ARNT2: variants seen among roughly 807,000 people sequenced by gnomAD.
ARNT2 encodes the protein ARNT protein 2.
In ARNT2, 36 loss-of-function variants were observed where a neutral mutation model predicts 91.7. The observed-to-expected ratio is 0.39, with a 90% confidence interval of 0.30 to 0.52. The LOEUF is 0.52. Ranked by LOEUF, ARNT2 falls within the 20% of genes least tolerant of loss-of-function variation. The probability of loss-of-function intolerance (pLI) is 0.72; values close to 1 mark genes in which losing one functional copy is unlikely to be tolerated. For synonymous variants in ARNT2, 365 were observed against 347.1 expected (o/e 1.05, Z -0.57); for missense variants, 775 against 939.3 (o/e 0.83, Z 2.29).
chr15:80,524,722 A>G (rs901095146), intron 8 of ARNT2, among the ~76,000 whole-genome samples: 1 of 152,046 alleles, frequency 6.6e-6, no homozygotes, highest in Non-Finnish European at 1.5e-5. Context: ...TAAAAATACA[A>G]AAATTAGCTG....
chr15:80,552,669 G>A lies in ARNT2; in HGVS notation c.984G>A (p.Met328Ile). The change falls in exon 10 of 19, where the codon ATG (methionine) becomes ATA (isoleucine). Residue 328 changes from methionine to isoleucine, a missense_variant. Physicochemically the swap from Met to Ile is conservative, Grantham distance 10 (BLOSUM62 1). Coordinates refer to ENST00000303329, the MANE Select transcript of ARNT2 (RefSeq NM_014862.4). ...QVTSSPVCMD[M>I]NGMSVPTEFL... ...CCAGCTCTCCTGTATGCATGGACATGAATGGGATGTCGGTGCCCACAGAGT... is the reference window on the plus strand; with the variant it reads ...CCAGCTCTCCTGTATGCATGGACATAAATGGGATGTCGGTGCCCACAGAGT... The A allele has an allele frequency of 1.2e-6, 2 of 1,614,120 alleles. No homozygotes were observed. Among genetic ancestry groups the A allele is most frequent in the Non-Finnish European group, 1.7e-6 (2 of 1,179,992 alleles).
At chr15:80,570,672 C>T (rs892495827) in intron 12 of ARNT2, among the ~76,000 whole-genome samples, 3 of 152,132 alleles carry the variant, frequency 2.0e-5, no homozygotes, top group Admixed American at 6.5e-5. Context: ...GCTCCCACAC[C>T]GACATTAGGA....
intron 1 of ARNT2, among the ~76,000 whole-genome samples, chr15:80,419,095 A>G (rs1394862422): frequency 2.0e-5 from 3 of 152,290 alleles, no homozygotes; most frequent in Middle Eastern, 3.4e-3. Flanking sequence ...TCTGTCTGCC[A>G]CTAGATGGCG....
At chr15:80,537,652 G>C (rs1897847397) in intron 8 of ARNT2, among the ~76,000 whole-genome samples, 1 of 152,114 alleles carries the variant, frequency 6.6e-6, no homozygotes, top group Non-Finnish European at 1.5e-5. Context: ...TGCCTGACCT[G>C]GTAGAGAAAA....
intron 1 of ARNT2, among the ~76,000 whole-genome samples, chr15:80,447,298 T>C (rs1010940305): frequency 3.9e-5 from 6 of 152,224 alleles, no homozygotes; most frequent in African/African-American, 1.2e-4. Flanking sequence ...CACAGACTGC[T>C]GAGCTCTCCT....
chr15:80,520,556 C>T (rs1275315313), intron 8 of ARNT2, among the ~76,000 whole-genome samples: 1 of 72,010 alleles, frequency 1.4e-5, no homozygotes, highest in Non-Finnish European at 3.0e-5. Flanking sequence ...GTGTTCTTAC[C>T]ACAAAAAAAA....
At chr15:80,430,088 C>T (rs1039256344) in intron 1 of ARNT2, among the ~76,000 whole-genome samples, 3 of 152,164 alleles carry the variant, frequency 2.0e-5, no homozygotes, top group African/African-American at 7.2e-5. Context: ...AGAAGGCTTC[C>T]CTAGGTCACT....
intron 1 of ARNT2, chr15:80,434,061 A>C (rs1007402548): frequency 2.0e-5 from 3 of 152,220 alleles, no homozygotes; most frequent in Admixed American, 2.0e-4. Flanking sequence ...CAGTTTTCAC[A>C]CAGAAAGGCA....
At chr15:80,530,739 G>A (rs113831579) in intron 8 of ARNT2, among the ~76,000 whole-genome samples, 1 of 152,066 alleles carries the variant, frequency 6.6e-6, no homozygotes, top group Non-Finnish European at 1.5e-5. Flanking sequence ...GCAAAGTGGG[G>A]GATCCATTTC....
intron 1 of ARNT2, 119 bp from the exon 2 acceptor site, chr15:80,450,761 G>A: frequency 1.0e-6 from 1 of 959,166 alleles, no homozygotes; most frequent in Non-Finnish European, 1.7e-6. Context: ...AGCGGCCGCA[G>A]GATGCAGGTC....
At chr15:80,593,288 G>A (rs1893313846) in intron 18 of ARNT2, among the ~76,000 whole-genome samples, 1 of 152,182 alleles carries the variant, frequency 6.6e-6, no homozygotes, top group African/African-American at 2.4e-5. Flanking sequence ...CTTGCTTGGG[G>A]CCAGCCTGGG....
rs77152843 is a variant in ARNT2 at position 80,417,260 on chromosome 15, T to A, written c.31+12714T>A. On this transcript the variant is annotated intron_variant, in intron 1 of 18. Coordinates refer to ENST00000303329, the MANE Select transcript of ARNT2 (RefSeq NM_014862.4). ...ATCTTCATTCAAACAGTAATTAGTG[T>A]GTGATTTGTCCCGTTTTTGGTTGCT... Among the ~76,000 whole-genome samples, 971 of 152,294 alleles carry A rather than the reference T, an allele frequency of 6.4e-3. 8 individuals carry two copies. Among genetic ancestry groups the A allele is most frequent in the African/African-American group, 0.023 (948 of 41,554 alleles).
At chr15:80,521,996 C>A (rs1406760877) in intron 8 of ARNT2, among the ~76,000 whole-genome samples, 2 of 152,166 alleles carry the variant, frequency 1.3e-5, no homozygotes, top group East Asian at 3.9e-4. Flanking sequence ...GTACCTCTGA[C>A]CTTGTATATG....
At chr15:80,466,138 G>T (rs1179404261) in intron 3 of ARNT2, among the ~76,000 whole-genome samples, 1 of 152,224 alleles carries the variant, frequency 6.6e-6, no homozygotes, top group Non-Finnish European at 1.5e-5. Flanking sequence ...AGACTCAACG[G>T]CTGTCAGCAG....
At chr15:80,535,837 C>T (rs1897814476) in intron 8 of ARNT2, among the ~76,000 whole-genome samples, 1 of 151,898 alleles carries the variant, frequency 6.6e-6, no homozygotes. Context: ...TCAGAGATGT[C>T]CTCGGGGCTT....
At position 80,562,848 on chromosome 15, in the gene ARNT2, T is replaced by A. The variant is rs1898391858; in HGVS notation, c.1165-240T>A. 1.5e-5 allele frequency: 9 copies of A among 596,494 alleles called. No homozygotes were observed. In the South Asian group the frequency reaches 1.8e-4, roughly 12 times the overall value. The allele number at this position is 596,494 out of a possible 1,614,324, so 37.0% of individuals were successfully genotyped here. On this transcript the variant is annotated intron_variant, in intron 11 of 18. Transcript: ENST00000303329. ...CTGCTATAAAGCAGGCATTGAGTGGTTGCTTTCTCATACCGTGGTTACAGA... is the reference window on the plus strand; with the variant it reads ...CTGCTATAAAGCAGGCATTGAGTGGATGCTTTCTCATACCGTGGTTACAGA...
chr15:80,566,400 C>T (rs1898483531), intron 12 of ARNT2, among the ~76,000 whole-genome samples: 1 of 152,204 alleles, frequency 6.6e-6, no homozygotes, highest in Non-Finnish European at 1.5e-5. Context: ...AAAGCCTCCT[C>T]CTTCCAGGGC....
intron 8 of ARNT2, among the ~76,000 whole-genome samples, chr15:80,543,094 C>CAAAAA (rs368917679): frequency 1.2e-5 from 1 of 86,686 alleles, no homozygotes; most frequent in East Asian, 4.7e-4. Context: ...CAGACCCGGT[C>CAAAAA]AAAAAAAAAA....
chr15:80,490,519 G>C (rs1897040208), intron 5 of ARNT2, among the ~76,000 whole-genome samples: 1 of 152,224 alleles, frequency 6.6e-6, no homozygotes, highest in Admixed American at 6.5e-5. Flanking sequence ...AAGCCTGTTG[G>C]TGGAGCTGGC....
Sources: allele counts gnomAD v4.1 joint callset (sites outside exome capture counted in the v4.1 genomes callset), GRCh38; gene constraint gnomAD v4.1.1; transcripts MANE v1.5; gene names NCBI Gene and HGNC (gene_info 2026-07-23, HGNC 2026-07-21).